Variants in NDUFAF6 observed in about 807,000 individuals in gnomAD.
The protein encoded by NDUFAF6 is NADH:ubiquinone oxidoreductase complex assembly factor 6.
NDUFAF6 carries 45 observed loss-of-function variants against 40.8 expected under a neutral mutation model. That is an observed-to-expected ratio of 1.10 (90% CI 0.87 to 1.42). The LOEUF (loss-of-function observed/expected upper bound fraction) is 1.42, where lower values mean the gene tolerates loss of function less well. Among genes scored for constraint, NDUFAF6 ranks in the 40% most tolerant of loss-of-function variants. The probability of loss-of-function intolerance (pLI) is 0.00; values close to 1 mark genes in which losing one functional copy is unlikely to be tolerated. For missense variants in NDUFAF6, 435 were observed against 418.5 expected (o/e 1.04, Z -0.34); for synonymous variants, 185 against 155.9 (o/e 1.19, Z -1.39).
intron 2 of NDUFAF6, among the ~76,000 whole-genome samples, chr8:94,998,699 A>AGT (rs1354615734): frequency 1.3e-5 from 2 of 152,126 alleles, no homozygotes; most frequent in Admixed American, 6.6e-5. Context: ...CAGTGCTATG[A>AGT]GTAGGTCAGG....
At chr8:94,971,604 C>T (rs1424610973) in intron 1 of NDUFAF6, among the ~76,000 whole-genome samples, 3 of 152,124 alleles carry the variant, frequency 2.0e-5, no homozygotes, top group Non-Finnish European at 4.4e-5. Flanking sequence ...AATGACACCT[C>T]GTATTTCTAG....
Position 95,057,893 on chromosome 8 carries a change from C to A in NDUFAF6, c.958C>A (p.Leu320Ile). ...ATCTTTACAGCAGAAGAATACATTACTTCCATTATATTTGTATATTCAGTC... is the reference window on the plus strand; with the variant it reads ...ATCTTTACAGCAGAAGAATACATTAATTCCATTATATTTGTATATTCAGTC... ...HPSLQQKNTL[L>I]PLYLYIQSWR... Residue 320 changes from leucine to isoleucine, a missense_variant, in exon 9 of 9, where the codon CTT (leucine) becomes ATT (isoleucine). Transcript: ENST00000396124. 1 of 1,572,598 alleles carries A rather than the reference C, an allele frequency of 6.4e-7. No individual in the cohort carries two copies. Among genetic ancestry groups the A allele is most frequent in the Non-Finnish European group, 8.8e-7 (1 of 1,142,678 alleles).
chr8:95,089,460 G>A (rs35021315), intron 2 of NDUFAF6, among the ~76,000 whole-genome samples: 73,912 of 140,592 alleles, frequency 0.53, 18,317 homozygotes, highest in East Asian at 0.75. Flanking sequence ...TGTAAACTGT[G>A]TGTATATATA....
chr8:95,045,412 T>C (rs1015376301), intron 4 of NDUFAF6, 133 bp from the exon 5 acceptor site: 2 of 672,624 alleles, frequency 3.0e-6, no homozygotes, highest in South Asian at 1.7e-5. Flanking sequence ...TAATGTTTTA[T>C]CTTATTGTGT....
downstream of NDUFAF6, chr8:95,078,662 A>AAAATATATATATATATATATATAT (rs545018367): frequency 3.3e-5 from 4 of 121,050 alleles, no homozygotes; most frequent in African/African-American, 1.3e-4. Flanking sequence ...AAAAAAAAAA[A>AAAATATATATATATATATATATAT]ATATATATAT....
At chr8:95,107,305 AG>A (rs1200523213), downstream of NDUFAF6, among the ~76,000 whole-genome samples, 13 of 152,266 alleles carry the variant, frequency 8.5e-5, no homozygotes, top group Admixed American at 8.5e-4. Flanking sequence ...GCCATAAAAA[AG>A]GATGAGTTCA....
intron 1 of NDUFAF6, among the ~76,000 whole-genome samples, chr8:94,965,098 T>G (rs1823901201): frequency 6.6e-6 from 1 of 152,120 alleles, no homozygotes; most frequent in African/African-American, 2.4e-5. Flanking sequence ...GAGTCTGCAG[T>G]CAACTCTGTG....
At chr8:94,898,842 A>G (rs1054749691) in intron 1 of NDUFAF6, among the ~76,000 whole-genome samples, 3 of 152,212 alleles carry the variant, frequency 2.0e-5, no homozygotes, top group Non-Finnish European at 2.9e-5. Context: ...TTGAATTATA[A>G]TTCAATAATA....
chr8:95,069,811 A>AT (rs1832794555), intron 9 of NDUFAF6, among the ~76,000 whole-genome samples: 1 of 145,362 alleles, frequency 6.9e-6, no homozygotes, highest in Non-Finnish European at 1.5e-5. Context: ...ATATATATAT[A>AT]AATATATATA....
intron 2 of NDUFAF6, among the ~76,000 whole-genome samples, chr8:95,089,588 G>A (rs1279346750): frequency 2.6e-5 from 4 of 152,082 alleles, no homozygotes; most frequent in African/African-American, 9.7e-5. Context: ...AATTCTCCAG[G>A]AAGTTTCTAG....
At position 95,009,090 on chromosome 8, in the gene NDUFAF6, C is replaced by G. The variant is rs142462503; in HGVS notation, c.-83-22905C>G. 8.6e-5 allele frequency among the ~76,000 whole-genome samples: 13 copies of G among 151,692 alleles called. 1 individual carries two copies. In the East Asian group the frequency reaches 2.4e-3, roughly 27 times the overall value. On this transcript the variant is annotated intron_variant, in intron 2 of 9. Coordinates refer to the NDUFAF6 transcript ENST00000396111. The stretch of plus-strand genomic sequence containing the variant: ...TGGCACATGCCTGTAGTTCCAGCTA[C>G]TTGGGAAGCTAAGGTGGGAGGATTG...
chr8:94,963,266 C>A (rs1189586227), intron 1 of NDUFAF6, among the ~76,000 whole-genome samples: 1 of 152,194 alleles, frequency 6.6e-6, no homozygotes, highest in African/African-American at 2.4e-5. Flanking sequence ...ATTTAACAAG[C>A]ATTTTTGAGG....
At chr8:94,949,547 A>G (rs944304622) in intron 2 of NDUFAF6, 5 of 151,814 alleles carry the variant, frequency 3.3e-5, no homozygotes, top group African/African-American at 1.2e-4. Flanking sequence ...GCTCCGAAAC[A>G]AGCCCGGGCA....
At chr8:94,930,819 T>A in intron 1 of NDUFAF6, 1 of 1,385,844 alleles carries the variant, frequency 7.2e-7, no homozygotes, top group Non-Finnish European at 9.8e-7. Context: ...TTTGCCACGC[T>A]AATTTGTTTA....
At chr8:95,001,827 T>C (rs1826750295) in intron 2 of NDUFAF6, among the ~76,000 whole-genome samples, 1 of 152,238 alleles carries the variant, frequency 6.6e-6, no homozygotes, top group African/African-American at 2.4e-5. Context: ...TCCCAGAGCA[T>C]CTGCAGATTG....
chr8:95,095,528 C>G (rs1378395027), upstream of NDUFAF6, among the ~76,000 whole-genome samples: 3 of 152,172 alleles, frequency 2.0e-5, no homozygotes, highest in African/African-American at 7.2e-5. Context: ...CCAAGACTTT[C>G]TTGTTCTGGC....
chr8:95,027,027 C>G (rs926298268), intron 1 of NDUFAF6, among the ~76,000 whole-genome samples: 2 of 152,138 alleles, frequency 1.3e-5, no homozygotes, highest in Non-Finnish European at 2.9e-5. Context: ...GCTGGGGCAA[C>G]AGAGCAAGAC....
At chr8:94,967,679 G>A (rs780762451) in intron 1 of NDUFAF6, among the ~76,000 whole-genome samples, 8 of 152,084 alleles carry the variant, frequency 5.3e-5, no homozygotes, top group South Asian at 4.2e-4. Flanking sequence ...GGTGGCTCAC[G>A]TCTGTAATCC....
intron 2 of NDUFAF6, among the ~76,000 whole-genome samples, chr8:94,993,792 T>C (rs1017702370): frequency 6.6e-6 from 1 of 152,240 alleles, no homozygotes; most frequent in Non-Finnish European, 1.5e-5. Context: ...GGTAGTTGTT[T>C]TAAGCCACTA....
Sources: allele counts gnomAD v4.1 joint callset (sites outside exome capture counted in the v4.1 genomes callset), GRCh38; gene constraint gnomAD v4.1.1; transcripts MANE v1.5; gene names NCBI Gene and HGNC (gene_info 2026-07-23, HGNC 2026-07-21).